GRID2: variants seen among roughly 807,000 people sequenced by gnomAD.
GRID2 encodes the protein glutamate receptor ionotropic, delta-2.
Under a neutral mutation model 114.8 loss-of-function variants are expected in GRID2, and 33 were observed. That is an observed-to-expected ratio of 0.29 (90% CI 0.22 to 0.38). The LOEUF (loss-of-function observed/expected upper bound fraction) is 0.38. Among genes scored for constraint, GRID2 ranks in the 10% least tolerant of loss-of-function variants. GRID2 has a pLI of 1.00. For missense variants in GRID2, 1,184 were observed against 1,257.7 expected, an observed-to-expected ratio of 0.94 and a Z score of 0.89; for synonymous variants, 505 against 449.9, an observed-to-expected ratio of 1.12 and a Z score of -1.55.
chr4:92,393,535 C>G (rs1579289839), intron 1 of GRID2, among the ~76,000 whole-genome samples: 1 of 152,098 alleles, frequency 6.6e-6, no homozygotes, highest in South Asian at 2.1e-4. Context: ...CTTATATGTA[C>G]TTATATGTGG....
intron 2 of GRID2, among the ~76,000 whole-genome samples, chr4:92,937,421 C>G (rs1459086245): frequency 6.8e-6 from 1 of 146,528 alleles, no homozygotes; most frequent in Non-Finnish European, 1.5e-5. Context: ...TCCAGTTGTT[C>G]CAGCAACATT....
chr4:92,815,237 C>G (rs1171590302), intron 2 of GRID2, among the ~76,000 whole-genome samples: 1 of 151,932 alleles, frequency 6.6e-6, no homozygotes, highest in Non-Finnish European at 1.5e-5. Flanking sequence ...AAGATATATC[C>G]TAAGCATTAA....
At chr4:92,379,428 A>G (rs1729510627) in intron 1 of GRID2, among the ~76,000 whole-genome samples, 1 of 152,026 alleles carries the variant, frequency 6.6e-6, no homozygotes, top group South Asian at 2.1e-4. Flanking sequence ...AAAAGAAGCA[A>G]AAAAGTTTAT....
At chr4:93,770,526 A>C (rs1734021972) in intron 15 of GRID2, among the ~76,000 whole-genome samples, 1 of 152,214 alleles carries the variant, frequency 6.6e-6, no homozygotes, top group Admixed American at 6.5e-5. Flanking sequence ...ATTGATCAGC[A>C]GCATTTATAA....
chr4:93,475,616 T>C (rs1725249207), intron 11 of GRID2, among the ~76,000 whole-genome samples: 1 of 152,158 alleles, frequency 6.6e-6, no homozygotes, highest in Admixed American at 6.6e-5. Context: ...AATGACATAC[T>C]TATGCATAAG....
At chr4:93,704,769 T>G (rs1727845097) in intron 14 of GRID2, among the ~76,000 whole-genome samples, 1 of 152,196 alleles carries the variant, frequency 6.6e-6, no homozygotes, top group Non-Finnish European at 1.5e-5. Context: ...ATCCATGTTG[T>G]TTCAAATGAC....
rs536540847 is a variant in GRID2, at chr4:93,189,563, T to G, written c.736-17841T>G. Among the ~76,000 whole-genome samples the G allele has an allele frequency of 8.0e-4, 121 of 152,198 alleles. 1 individual carries two copies. The highest frequency in any genetic ancestry group is 2.9e-3 in the African/African-American group (120 of 41,534). ...ATCATAGCAATAGCCATCTAAACATTTTTTTCTAGTTTCAGGGAGGATCTG... is the reference window on the plus strand; with the variant it reads ...ATCATAGCAATAGCCATCTAAACATGTTTTTCTAGTTTCAGGGAGGATCTG... On this transcript the variant is annotated intron_variant, in intron 4 of 15. Transcript: ENST00000282020.
intron 1 of GRID2, among the ~76,000 whole-genome samples, chr4:92,348,235 G>A (rs1203601222): frequency 1.3e-5 from 2 of 151,994 alleles, no homozygotes; most frequent in Non-Finnish European, 2.9e-5. Context: ...CAAAGTGTAG[G>A]GATTAGTCAT....
At chr4:93,106,392 G>A (rs1732234387) in intron 3 of GRID2, among the ~76,000 whole-genome samples, 1 of 152,082 alleles carries the variant, frequency 6.6e-6, no homozygotes, top group Admixed American at 6.5e-5. Context: ...TGTTGCCCAG[G>A]CTGGAATGCA....
intron 11 of GRID2, among the ~76,000 whole-genome samples, chr4:93,486,168 T>C (rs926678173): frequency 1.3e-5 from 2 of 151,762 alleles, no homozygotes; most frequent in African/African-American, 4.8e-5. Context: ...GTTGCTGTTA[T>C]ATATAAATAA....
chr4:93,348,734 G>GCTAA (rs1311604385), intron 8 of GRID2, among the ~76,000 whole-genome samples: 2 of 152,212 alleles, frequency 1.3e-5, no homozygotes, highest in Non-Finnish European at 2.9e-5. Context: ...AGCATATTCT[G>GCTAA]GGTATATATC....
intron 8 of GRID2, among the ~76,000 whole-genome samples, chr4:93,371,034 A>C (rs1447351692): frequency 6.6e-6 from 1 of 152,230 alleles, no homozygotes; most frequent in Non-Finnish European, 1.5e-5. Context: ...GAGACACTCC[A>C]TTGTAAGAGA....
At chr4:92,696,765 G>A (rs1261665361) in intron 2 of GRID2, among the ~76,000 whole-genome samples, 1 of 152,044 alleles carries the variant, frequency 6.6e-6, no homozygotes, top group Non-Finnish European at 1.5e-5. Flanking sequence ...TAAGAGTTTA[G>A]ACCTGTAATT....
At chr4:93,454,478 A>C (rs1179968573) in intron 10 of GRID2, among the ~76,000 whole-genome samples, 5 of 152,226 alleles carry the variant, frequency 3.3e-5, no homozygotes, top group Non-Finnish European at 7.4e-5. Flanking sequence ...CATAATTCAT[A>C]GTTCATTGTA....
At chr4:93,663,281 A>T (rs1312922084) in intron 14 of GRID2, among the ~76,000 whole-genome samples, 1 of 152,150 alleles carries the variant, frequency 6.6e-6, no homozygotes, top group African/African-American at 2.4e-5. Context: ...CCCTTCAGTG[A>T]TTCATACAGT....
chr4:92,970,240 A>C (rs138112747), intron 2 of GRID2, among the ~76,000 whole-genome samples: 1,890 of 152,020 alleles, frequency 0.012, 18 homozygotes, highest in Non-Finnish European at 0.02. Flanking sequence ...AACACAAATT[A>C]TCGTCATTTC....
intron 8 of GRID2, among the ~76,000 whole-genome samples, chr4:93,317,048 C>T (rs1468629923): frequency 6.6e-6 from 1 of 152,040 alleles, no homozygotes; most frequent in African/African-American, 2.4e-5. Context: ...ATAGGTTAAG[C>T]ATTGCAGGAT....
At chr4:93,218,335 G>GA (rs1411230547) in intron 6 of GRID2, among the ~76,000 whole-genome samples, 1 of 151,620 alleles carries the variant, frequency 6.6e-6, no homozygotes, top group African/African-American at 2.4e-5. Flanking sequence ...CCCCATCTCT[G>GA]AAAAAAATAA....
chr4:93,446,149 G>A (rs996277987), intron 10 of GRID2, among the ~76,000 whole-genome samples: 3 of 152,004 alleles, frequency 2.0e-5, no homozygotes, highest in African/African-American at 4.8e-5. Flanking sequence ...CTCAGTAGCA[G>A]CACTTCTGTT....
Sources: gnomAD v4.1 joint callset for allele counts (sites outside exome capture counted in the v4.1 genomes callset) on GRCh38, gnomAD v4.1.1 for gene constraint, MANE v1.5 for transcripts, NCBI Gene and HGNC (gene_info 2026-07-23, HGNC 2026-07-21) for gene names.